The following TBC1D12 variants were observed in gnomAD, a reference collection of about 807,000 sequenced individuals.
TBC1D12 encodes TBC1 domain family, member 12.
TBC1D12 carries 56 observed loss-of-function variants against 86.7 expected under a neutral mutation model. The ratio of observed to expected loss-of-function variants is 0.65; its 90% confidence interval spans 0.52 to 0.81. The LOEUF (loss-of-function observed/expected upper bound fraction) is 0.81. TBC1D12 is among the 30% of genes least tolerant of loss of function. The pLI is 0.00. For synonymous variants in TBC1D12, 421 were observed against 411.7 expected, an observed-to-expected ratio of 1.02 and a Z score of -0.27; for missense variants, 1,023 against 1,038.8, an observed-to-expected ratio of 0.98 and a Z score of 0.21.
At chr10:94,520,267 T>C (rs1007237864) in intron 9 of TBC1D12, among the ~76,000 whole-genome samples, 2 of 152,098 alleles carry the variant, frequency 1.3e-5, no homozygotes, top group Non-Finnish European at 2.9e-5. Flanking sequence ...AAAAGGGAGC[T>C]GAGAGCCGGG....
intron 3 of TBC1D12, among the ~76,000 whole-genome samples, chr10:94,478,726 G>A (rs1448945710): frequency 1.3e-5 from 2 of 152,212 alleles, no homozygotes; most frequent in Admixed American, 6.5e-5. Context: ...ATGGAGTTTA[G>A]TCCTCACATC....
chr10:94,434,466 G>A (rs1404625107), intron 1 of TBC1D12, among the ~76,000 whole-genome samples: 1 of 150,022 alleles, frequency 6.7e-6, no homozygotes, highest in African/African-American at 2.5e-5. Context: ...AGACTGTGCT[G>A]CTGCACTCCA....
chr10:94,466,229 C>A (rs1414389945), intron 2 of TBC1D12, among the ~76,000 whole-genome samples: 1 of 151,928 alleles, frequency 6.6e-6, no homozygotes, highest in Non-Finnish European at 1.5e-5. Context: ...TTTACATTTG[C>A]CAGTATATTT....
intron 2 of TBC1D12, among the ~76,000 whole-genome samples, chr10:94,461,563 G>A (rs762400037): frequency 7.2e-5 from 11 of 152,228 alleles, no homozygotes; most frequent in Non-Finnish European, 1.5e-4. Context: ...TAAAACTCAC[G>A]AAAGTGTATG....
intron 6 of TBC1D12, 97 bp from the exon 7 acceptor site, chr10:94,507,170 A>G: frequency 1.7e-6 from 2 of 1,170,084 alleles, no homozygotes; most frequent in Non-Finnish European, 2.5e-6. Context: ...TACATCAGAG[A>G]GACCTGACCT....
At chr10:94,511,675 GT>G in intron 9 of TBC1D12, 21 bp downstream of exon 9, 2 of 1,566,258 alleles carry the variant, frequency 1.3e-6, no homozygotes, top group Non-Finnish European at 1.8e-6. Context: ...GTTTCCATCT[GT>G]TTTTTGAATA....
intron 3 of TBC1D12, among the ~76,000 whole-genome samples, chr10:94,488,552 G>A (rs1341200926): frequency 3.3e-5 from 5 of 149,838 alleles, no homozygotes; most frequent in African/African-American, 1.2e-4. Context: ...CACCACACCC[G>A]GCTAATTTTT....
At chr10:94,408,665 T>A (rs942201520) in intron 1 of TBC1D12, among the ~76,000 whole-genome samples, 1 of 152,168 alleles carries the variant, frequency 6.6e-6, no homozygotes. Context: ...TGAGCCATCA[T>A]AAACATCTCT....
intron 6 of TBC1D12, 44 bp from the exon 7 acceptor site, chr10:94,507,223 C>G (rs773909221): frequency 5.1e-6 from 8 of 1,564,306 alleles, no homozygotes; most frequent in Non-Finnish European, 7.0e-6. Context: ...AAATATATTT[C>G]TTTCCTATTA....
intron 3 of TBC1D12, among the ~76,000 whole-genome samples, chr10:94,481,678 C>G (rs78962031): frequency 0.022 from 3,338 of 152,238 alleles, 124 homozygotes; most frequent in African/African-American, 0.074. Context: ...GTTTTGCTTT[C>G]TTATCATTTA....
intron 2 of TBC1D12, among the ~76,000 whole-genome samples, chr10:94,443,195 C>A (rs1020627186): frequency 6.6e-6 from 1 of 152,198 alleles, no homozygotes; most frequent in African/African-American, 2.4e-5. Flanking sequence ...ACAGAAGTTG[C>A]TGAGATTGCC....
At chr10:94,464,301 G>T (rs2055774314) in intron 2 of TBC1D12, among the ~76,000 whole-genome samples, 1 of 151,754 alleles carries the variant, frequency 6.6e-6, no homozygotes, top group Admixed American at 6.6e-5. Context: ...ATTTCTTCTG[G>T]TCTTTCACTT....
chr10:94,451,210 A>G (rs2055544873), intron 2 of TBC1D12, among the ~76,000 whole-genome samples: 1 of 152,102 alleles, frequency 6.6e-6, no homozygotes, highest in South Asian at 2.1e-4. Flanking sequence ...GAAATGATAC[A>G]TGTTTGAGAT....
chr10:94,486,637 A>C (rs977075124), intron 3 of TBC1D12, among the ~76,000 whole-genome samples: 10 of 151,714 alleles, frequency 6.6e-5, no homozygotes, highest in African/African-American at 2.4e-4. Context: ...ATTGATTTCT[A>C]GTTTTATTCC....
chr10:94,444,891 C>A (rs1028295867), intron 2 of TBC1D12, among the ~76,000 whole-genome samples: 2 of 151,472 alleles, frequency 1.3e-5, no homozygotes, highest in Admixed American at 1.3e-4. Flanking sequence ...GCCGCCACGC[C>A]TGGCTAATTT....
At chr10:94,471,368 A>G (rs893350146) in intron 2 of TBC1D12, among the ~76,000 whole-genome samples, 4 of 151,952 alleles carry the variant, frequency 2.6e-5, no homozygotes, top group Admixed American at 6.6e-5. Flanking sequence ...TATTAAATGT[A>G]TACTTAGTTC....
chr10:94,476,875 TACTC>T (rs1391195932), intron 3 of TBC1D12, among the ~76,000 whole-genome samples: 1 of 152,204 alleles, frequency 6.6e-6, no homozygotes, highest in Non-Finnish European at 1.5e-5. Context: ...ACTTCTTACT[TACTC>T]AATCCTTAAG....
intron 11 of TBC1D12, among the ~76,000 whole-genome samples, chr10:94,525,209 A>G (rs1026626393): frequency 1.3e-5 from 2 of 152,198 alleles, no homozygotes; most frequent in African/African-American, 2.4e-5. Flanking sequence ...AAGTAATCCA[A>G]ATTCATCATT....
intron 6 of TBC1D12, among the ~76,000 whole-genome samples, chr10:94,505,316 C>T (rs551041294): frequency 2.0e-5 from 3 of 152,250 alleles, no homozygotes; most frequent in South Asian, 4.1e-4. Context: ...TGGTGGCTTA[C>T]GCCTGTAATC....
Sources: gnomAD v4.1 joint callset for allele counts (sites outside exome capture counted in the v4.1 genomes callset) on GRCh38, gnomAD v4.1.1 for gene constraint, MANE v1.5 for transcripts, NCBI Gene and HGNC (gene_info 2026-07-23, HGNC 2026-07-21) for gene names.